Variants in CHODL observed in about 807,000 individuals in gnomAD.
CHODL encodes transmembrane protein MT75.
A neutral mutation model predicts 34.5 loss-of-function variants in CHODL; 29 were observed. That is an observed-to-expected ratio of 0.84 (90% CI 0.63 to 1.15). The LOEUF is 1.15. Among genes scored for constraint, CHODL ranks in the 50% most tolerant of loss-of-function variants. The probability of loss-of-function intolerance (pLI) is 0.00; values close to 1 mark genes in which losing one functional copy is unlikely to be tolerated. For missense variants in CHODL, 332 were observed against 332.5 expected (o/e 1.00, Z 0.01); for synonymous variants, 125 against 116.1 (o/e 1.08, Z -0.49).
chr21:18,083,289 T>C (rs561469506), intron 2 of CHODL, among the ~76,000 whole-genome samples: 2 of 152,322 alleles, frequency 1.3e-5, no homozygotes, highest in African/African-American at 4.8e-5. Context: ...TCTGCCTAGA[T>C]TTTAGAGGAT....
At chr21:18,173,309 G>T (rs1025463422) in intron 2 of CHODL, among the ~76,000 whole-genome samples, 2 of 152,074 alleles carry the variant, frequency 1.3e-5, no homozygotes, top group African/African-American at 4.8e-5. Context: ...CAAGTTATAG[G>T]TCCCATACAT....
intron 1 of CHODL, among the ~76,000 whole-genome samples, chr21:17,931,690 T>A (rs928594725): frequency 1.3e-5 from 2 of 151,808 alleles, no homozygotes; most frequent in African/African-American, 4.8e-5. Context: ...GAAATAGATA[T>A]CTTAAAAAAA....
At chr21:18,028,543 CA>C (rs2064210205) in intron 2 of CHODL, among the ~76,000 whole-genome samples, 3 of 151,054 alleles carry the variant, frequency 2.0e-5, no homozygotes. Flanking sequence ...ACTAAAAATA[CA>C]AAAAATTAGC....
chr21:18,011,165 C>G (rs1227655997), intron 1 of CHODL, among the ~76,000 whole-genome samples: 1 of 152,136 alleles, frequency 6.6e-6, no homozygotes, highest in Non-Finnish European at 1.5e-5. Context: ...TAGAAACACA[C>G]TATTATATGT....
chr21:18,109,375 T>A (rs2065319219), intron 2 of CHODL, among the ~76,000 whole-genome samples: 1 of 151,972 alleles, frequency 6.6e-6, no homozygotes, highest in South Asian at 2.1e-4. Flanking sequence ...CTAATCACCA[T>A]GGGGCTGCAT....
chr21:18,005,559 A>G (rs1381370705), intron 1 of CHODL, among the ~76,000 whole-genome samples: 1 of 152,184 alleles, frequency 6.6e-6, no homozygotes, highest in Non-Finnish European at 1.5e-5. Flanking sequence ...AGTTATTTGG[A>G]AGCAATATTA....
At chr21:18,021,905 C>T (rs185954716) in intron 1 of CHODL, among the ~76,000 whole-genome samples, 7 of 152,260 alleles carry the variant, frequency 4.6e-5, no homozygotes, top group Non-Finnish European at 2.9e-5. Flanking sequence ...TCCTCTCCAC[C>T]TTAAATTCAT....
intron 1 of CHODL, among the ~76,000 whole-genome samples, chr21:18,247,725 A>T (rs1168053869): frequency 2.6e-5 from 4 of 152,100 alleles, no homozygotes. Flanking sequence ...TATTTATTGA[A>T]TTTATGATGC....
intron 2 of CHODL, among the ~76,000 whole-genome samples, chr21:18,058,288 A>G (rs924502068): frequency 1.3e-5 from 2 of 152,180 alleles, no homozygotes; most frequent in Admixed American, 1.3e-4. Flanking sequence ...GGAAATCAGT[A>G]TGGAGGTTCC....
chr21:18,183,719 G>T (rs2073408463), intron 2 of CHODL, among the ~76,000 whole-genome samples: 1 of 152,154 alleles, frequency 6.6e-6, no homozygotes, highest in Non-Finnish European at 1.5e-5. Context: ...GTAACAAAGA[G>T]AAATCTTAAC....
chr21:18,129,777 G>T (rs2072629874), intron 2 of CHODL, among the ~76,000 whole-genome samples: 1 of 152,064 alleles, frequency 6.6e-6, no homozygotes, highest in Non-Finnish European at 1.5e-5. Flanking sequence ...ATACAAAAAT[G>T]GTGTGATGTT....
chr21:17,922,627 T>C (rs1201960165), intron 1 of CHODL, among the ~76,000 whole-genome samples: 2 of 152,250 alleles, frequency 1.3e-5, no homozygotes, highest in African/African-American at 2.4e-5. Flanking sequence ...CTGCTATTTA[T>C]GTGGAAATTA....
intron 2 of CHODL, among the ~76,000 whole-genome samples, chr21:18,120,016 A>G (rs1479677022): frequency 6.6e-6 from 1 of 152,104 alleles, no homozygotes; most frequent in Non-Finnish European, 1.5e-5. Context: ...AGATGCAGAA[A>G]TTTGTATCTT....
chr21:18,149,485 G>A (rs1046666862), intron 2 of CHODL, among the ~76,000 whole-genome samples: 2 of 152,104 alleles, frequency 1.3e-5, no homozygotes, highest in East Asian at 3.9e-4. Context: ...AACCTCATGG[G>A]TCTGTCTATG....
chr21:18,118,764 T>C lies in CHODL; in HGVS notation c.-45+90793T>C, dbSNP rs1241755572. ...AATGACACTTCACTCTCCTTAATTA[T>C]GTGCTTCCTTTCATAGCTCTTCTGT... On this transcript the variant is annotated intron_variant, in intron 2 of 6. Coordinates refer to the CHODL transcript ENST00000400127. Among the ~76,000 whole-genome samples the C allele has an allele frequency of 2.0e-5, 3 of 152,228 alleles. No homozygotes were observed. The East Asian group carries it at 5.8e-4, about 29-fold the overall frequency.
chr21:18,023,967 A>T (rs1031929559), intron 1 of CHODL, among the ~76,000 whole-genome samples: 3 of 152,228 alleles, frequency 2.0e-5, no homozygotes, highest in African/African-American at 4.8e-5. Context: ...GGCAAGAGAC[A>T]GTCCCCCTAT....
At chr21:18,025,232 A>G (rs1325082488) in intron 1 of CHODL, among the ~76,000 whole-genome samples, 1 of 152,208 alleles carries the variant, frequency 6.6e-6, no homozygotes, top group East Asian at 1.9e-4. Flanking sequence ...TAAAATGCTA[A>G]AATATCAGAC....
intron 2 of CHODL, among the ~76,000 whole-genome samples, chr21:18,193,664 C>T (rs1246979437): frequency 6.7e-6 from 1 of 148,296 alleles, no homozygotes; most frequent in Non-Finnish European, 1.5e-5. Flanking sequence ...CCACTGCACT[C>T]CAGCCTGGGC....
In CHODL at chr21:18,266,617, C is replaced by T. The variant is rs2074465942; in HGVS notation, c.*579C>T. 1 of 153,538 alleles carries T rather than the reference C, an allele frequency of 6.5e-6. No homozygotes were observed. Among genetic ancestry groups the T allele is most frequent in the African/African-American group, 2.4e-5 (1 of 41,432 alleles). 9.5% of individuals were successfully genotyped at this position (153,538 alleles called of 1,614,324 possible). A position where few individuals can be genotyped will look rare whatever the true frequency, so the allele number is the denominator to read the frequency against. The stretch of plus-strand genomic sequence containing the variant: ...TGTTTTCTCGAAATAATTCATCTTT[C>T]AGCTTCTCTGCTTTTGGTCAATGTC... On this transcript the variant is annotated 3_prime_UTR_variant, in exon 6 of 6. Coordinates refer to ENST00000299295, the MANE Select transcript of CHODL (RefSeq NM_024944.3).
Sources: gnomAD v4.1 joint callset for allele counts (sites outside exome capture counted in the v4.1 genomes callset) on GRCh38, gnomAD v4.1.1 for gene constraint, MANE v1.5 for transcripts, NCBI Gene and HGNC (gene_info 2026-07-23, HGNC 2026-07-21) for gene names.